The following NFIB variants were observed in gnomAD, a reference collection of about 807,000 sequenced individuals.
The protein encoded by NFIB is nuclear factor 1 B-type.
In NFIB, 11 loss-of-function variants were observed where a neutral mutation model predicts 61.5. That is an observed-to-expected ratio of 0.18 (90% CI 0.11 to 0.30). The LOEUF (loss-of-function observed/expected upper bound fraction) is 0.30. Ranked by LOEUF, NFIB falls within the 10% of genes least tolerant of loss-of-function variation. The pLI is 1.00. For missense variants in NFIB, 471 were observed against 608.9 expected (o/e 0.77, Z 2.38); for synonymous variants, 260 against 216.5 (o/e 1.20, Z -1.76).
intron 1 of NFIB, among the ~76,000 whole-genome samples, chr9:14,344,106 G>GAA (rs1179485994): frequency 1.3e-4 from 17 of 131,228 alleles, no homozygotes; most frequent in Admixed American, 3.5e-4. Flanking sequence ...GAGAGAGAGA[G>GAA]AAAGAGAGAG....
intron 2 of NFIB, chr9:14,204,842 A>G: frequency 2.2e-6 from 1 of 459,036 alleles, no homozygotes. Flanking sequence ...GAAGACCTGC[A>G]CCACTGCTGC....
chr9:14,349,356 C>G (rs987144167), intron 1 of NFIB, among the ~76,000 whole-genome samples: 3 of 152,168 alleles, frequency 2.0e-5, no homozygotes, highest in Admixed American at 6.5e-5. Flanking sequence ...AGGGCAAACT[C>G]TGCAACGGAG....
chr9:14,301,216 A>G (rs1213157059), intron 2 of NFIB, among the ~76,000 whole-genome samples: 1 of 152,192 alleles, frequency 6.6e-6, no homozygotes, highest in Admixed American at 6.5e-5. Context: ...CCTATCAGGA[A>G]GGCATTCTTC....
intron 2 of NFIB, among the ~76,000 whole-genome samples, chr9:14,189,975 G>A (rs1365340887): frequency 2.0e-5 from 3 of 151,974 alleles, no homozygotes; most frequent in Admixed American, 6.6e-5. Context: ...TACAAATGTA[G>A]TGATTGACTC....
chr9:14,519,010 C>G, the NFIB span, among the ~76,000 whole-genome samples: 2 of 152,178 alleles, frequency 1.3e-5, no homozygotes, highest in African/African-American at 4.8e-5. Context: ...TGGGTGAAAT[C>G]ATCTTTGATG....
chr9:14,526,758 G>A, the NFIB span, among the ~76,000 whole-genome samples: 1 of 152,124 alleles, frequency 6.6e-6, no homozygotes, highest in South Asian at 2.1e-4. Context: ...CAATGATGTC[G>A]TGAGCATCAG....
At chr9:14,143,989 A>AGTGTGTGTGTGTGTGTGT (rs1384659088) in intron 6 of NFIB, among the ~76,000 whole-genome samples, 1 of 61,270 alleles carries the variant, frequency 1.6e-5, no homozygotes, top group Admixed American at 1.9e-4. Flanking sequence ...TTAAAGTGAC[A>AGTGTGTGTGTGTGTGTGT]GAGTGTGTGT....
the NFIB span, among the ~76,000 whole-genome samples, chr9:14,445,249 T>C: frequency 1.3e-5 from 2 of 152,166 alleles, no homozygotes; most frequent in Non-Finnish European, 2.9e-5. Context: ...ATTTTGATAA[T>C]CATACATATC....
chr9:14,512,908 T>C, the NFIB span, among the ~76,000 whole-genome samples: 1,938 of 127,968 alleles, frequency 0.015, 85 homozygotes, highest in East Asian at 0.18. Flanking sequence ...AATTTTTCCA[T>C]AGAATCAAAT....
intron 1 of NFIB, among the ~76,000 whole-genome samples, chr9:14,371,484 T>G (rs552039065): frequency 1.1e-4 from 17 of 152,200 alleles, no homozygotes; most frequent in Non-Finnish European, 2.5e-4. Context: ...ACTAGTTACT[T>G]GGGTGATCTC....
chr9:14,180,136 T>TA, intron 2 of NFIB, among the ~76,000 whole-genome samples: 1 of 152,296 alleles, frequency 6.6e-6, no homozygotes, highest in Middle Eastern at 3.4e-3. Flanking sequence ...TATATTCTCT[T>TA]AAAAATGCAA....
At chr9:14,129,380 C>A (rs542177599) in intron 6 of NFIB, among the ~76,000 whole-genome samples, 2 of 148,018 alleles carry the variant, frequency 1.4e-5, no homozygotes, top group Non-Finnish European at 1.5e-5. Flanking sequence ...AAAAGTGAAT[C>A]CCCGCTCAAA....
At chr9:14,204,812 C>T in intron 2 of NFIB, 1 of 488,916 alleles carries the variant, frequency 2.0e-6, no homozygotes, top group Non-Finnish European at 3.8e-6. Flanking sequence ...GAAGACAAGA[C>T]TGGGACATCT....
At chr9:14,380,157 C>T (rs1049028992) in intron 1 of NFIB, among the ~76,000 whole-genome samples, 4 of 152,166 alleles carry the variant, frequency 2.6e-5, no homozygotes, top group Non-Finnish European at 5.9e-5. Flanking sequence ...GCTGCTACTA[C>T]AAGTTAGTGG....
At chr9:14,163,626 A>C (rs1587194282) in intron 3 of NFIB, among the ~76,000 whole-genome samples, 1 of 152,080 alleles carries the variant, frequency 6.6e-6, no homozygotes, top group African/African-American at 2.4e-5. Flanking sequence ...AATACAATCT[A>C]TTAAAATACA....
intron 1 of NFIB, among the ~76,000 whole-genome samples, chr9:14,326,021 G>A (rs1485887412): frequency 6.6e-6 from 1 of 152,056 alleles, no homozygotes; most frequent in African/African-American, 2.4e-5. Flanking sequence ...TATAAAAATA[G>A]GGAGGCTTAA....
At chr9:14,090,555 T>C (rs1429554480) in intron 10 of NFIB, among the ~76,000 whole-genome samples, 1 of 152,102 alleles carries the variant, frequency 6.6e-6, no homozygotes, top group Non-Finnish European at 1.5e-5. Flanking sequence ...CCTAGTCACA[T>C]CTATCTTTAT....
the NFIB span, among the ~76,000 whole-genome samples, chr9:14,456,752 C>G: frequency 1.2e-4 from 19 of 152,264 alleles, no homozygotes; most frequent in Admixed American, 5.2e-4. Flanking sequence ...GTACAAATTG[C>G]TAAGTTTTCA....
At chr9:14,392,531 C>T (rs56366966) in intron 1 of NFIB, among the ~76,000 whole-genome samples, 10,429 of 152,098 alleles carry the variant, frequency 0.069, 1,073 homozygotes, top group African/African-American at 0.22. Context: ...AGTTTGAGAC[C>T]GACCTGGGCA....
Sources: allele counts gnomAD v4.1 joint callset (sites outside exome capture counted in the v4.1 genomes callset), GRCh38; gene constraint gnomAD v4.1.1; transcripts MANE v1.5; gene names NCBI Gene and HGNC (gene_info 2026-07-23, HGNC 2026-07-21).